Variants in TOPAZ1 observed in about 807,000 individuals in gnomAD.
TOPAZ1 encodes the protein protein TOPAZ1.
In TOPAZ1, 66 loss-of-function variants were observed where a neutral mutation model predicts 172.2. That is an observed-to-expected ratio of 0.38 (90% CI 0.31 to 0.47). TOPAZ1 has a LOEUF of 0.47. TOPAZ1 is among the 20% of genes least tolerant of loss of function. The pLI, the probability that TOPAZ1 is intolerant of heterozygous loss-of-function variation, is 0.99. For missense variants in TOPAZ1, 1,822 were observed against 1,972.4 expected (o/e 0.92, Z 1.44); for synonymous variants, 681 against 683.9 (o/e 1.00, Z 0.07).
At chr3:44,272,502 T>A (rs948920963) in intron 8 of TOPAZ1, among the ~76,000 whole-genome samples, 2 of 152,204 alleles carry the variant, frequency 1.3e-5, no homozygotes, top group African/African-American at 4.8e-5. Context: ...TTCATGATGT[T>A]GAGCCTTTTT....
At chr3:44,298,254 A>G (rs899595601) in intron 12 of TOPAZ1, among the ~76,000 whole-genome samples, 1 of 152,208 alleles carries the variant, frequency 6.6e-6, no homozygotes, top group East Asian at 1.9e-4. Context: ...ACTTAAGCCC[A>G]GGAGTTCGAG....
intron 12 of TOPAZ1, among the ~76,000 whole-genome samples, chr3:44,302,418 A>G (rs1700282600): frequency 1.3e-5 from 2 of 152,182 alleles, no homozygotes; most frequent in South Asian, 4.1e-4. Flanking sequence ...TCAGAAAATA[A>G]TAATGGTAAA....
chr3:44,244,705 A>C lies in TOPAZ1; in HGVS notation c.2199A>C (p.Glu733Asp). The C allele has an allele frequency of 6.4e-7, 1 of 1,551,494 alleles. No homozygotes were observed. The highest frequency in any genetic ancestry group is 8.7e-7 in the Non-Finnish European group (1 of 1,146,960). ...ACGTAAGACAGAACAGGAGTAAAGA[A>C]AATGTCTCCATGATGATGTTAGGAC... Reference protein sequence around the residue: ...GADVRQNRSKENVSMMMLGPQ... With the variant: ...GADVRQNRSKDNVSMMMLGPQ... The change falls in exon 2 of 20, where the codon GAA becomes GAC. Residue 733 changes from glutamate (E) to aspartate (D), a missense_variant. Glu to Asp is a conservative substitution (Grantham distance 45). Around this residue, in one of 2 missense-constraint regions of TOPAZ1, gnomAD observed 1,489 missense variants for 1,490.8 expected, o/e 1.00. Coordinates refer to ENST00000309765, the MANE Select transcript of TOPAZ1 (RefSeq NM_001145030.2).
intron 12 of TOPAZ1, among the ~76,000 whole-genome samples, chr3:44,302,617 A>T (rs1160351397): frequency 2.0e-5 from 3 of 152,028 alleles, no homozygotes; most frequent in Non-Finnish European, 4.4e-5. Flanking sequence ...TTTGGTAGGG[A>T]TAATTCTTTT....
chr3:44,267,842 A>G (rs1359876520), intron 6 of TOPAZ1, among the ~76,000 whole-genome samples: 3 of 152,152 alleles, frequency 2.0e-5, no homozygotes, highest in African/African-American at 7.2e-5. Context: ...CTACCCTACT[A>G]TACCTACTGA....
At chr3:44,276,624 CTTTTTTTTTTTTTTT>C (rs762865769) in intron 8 of TOPAZ1, among the ~76,000 whole-genome samples, 4 of 24,124 alleles carry the variant, frequency 1.7e-4, no homozygotes, top group African/African-American at 3.8e-4. Flanking sequence ...CAGCTTTGTT[CTTTTTTTTTTTTTTT>C]TTTTTTTTTT....
intron 11 of TOPAZ1, among the ~76,000 whole-genome samples, chr3:44,290,414 C>T (rs1387236672): frequency 6.6e-6 from 1 of 152,046 alleles, no homozygotes; most frequent in Non-Finnish European, 1.5e-5. Flanking sequence ...GGCCATGGCC[C>T]TATGTGAGGC....
intron 8 of TOPAZ1, among the ~76,000 whole-genome samples, chr3:44,273,225 A>G (rs1699917098): frequency 6.6e-6 from 1 of 152,174 alleles, no homozygotes; most frequent in South Asian, 2.1e-4. Context: ...AATAAACTCT[A>G]TTAAATTTAT....
In TOPAZ1 at chr3:44,287,418, T is replaced by C; in HGVS notation, c.3466T>C (p.Phe1156Leu). 1.3e-6 allele frequency: 2 copies of C among 1,507,940 alleles called. No individual in the cohort carries two copies. The highest frequency in any genetic ancestry group is 1.7e-4 in the Middle Eastern group (1 of 5,798). The allele number at this position is 1,507,940 out of a possible 1,614,324, so 93.4% of individuals were successfully genotyped here. A position where few individuals can be genotyped will look rare whatever the true frequency, so the allele number is the denominator to read the frequency against. Residue 1156 changes from phenylalanine to leucine, a missense_variant, in exon 10 of 20, where the codon TTT becomes CTT. By Grantham distance (22) the Phe-to-Leu change is conservative (BLOSUM62 0). Coordinates refer to ENST00000309765, the MANE Select transcript of TOPAZ1 (RefSeq NM_001145030.2). ...CATATTTATGGAGTACTACAGAAAG[T>C]TTCCCCCAGGTGTATACTTTGATTT... is the stretch of plus-strand genomic sequence containing the variant. ...VNIFMEYYRKFPPGVYFDLQV... is the reference protein window; with the variant it reads ...VNIFMEYYRKLPPGVYFDLQV...
intron 8 of TOPAZ1, among the ~76,000 whole-genome samples, chr3:44,278,646 C>A (rs1231729337): frequency 6.6e-6 from 1 of 152,050 alleles, no homozygotes; most frequent in East Asian, 1.9e-4. Flanking sequence ...TGTTCATAAT[C>A]GTCTCTGATG....
Position 44,244,285 on chromosome 3 carries a change from TAAA to T in TOPAZ1, c.1782_1784del (p.Lys595del). 6.4e-7 allele frequency: 1 copy of T among 1,550,414 alleles called. No homozygotes were observed. The highest frequency in any genetic ancestry group is 2.0e-5 in the Admixed American group (1 of 50,810). On this transcript the variant is annotated inframe_deletion, in exon 2 of 20. Coordinates refer to ENST00000309765, the MANE Select transcript of TOPAZ1 (RefSeq NM_001145030.2). ...TAAAGGAACCTATAATCAAGGATGA[TAAA>T]AAGATAAAATCAGAGGAACTGAGCA...
intron 12 of TOPAZ1, among the ~76,000 whole-genome samples, chr3:44,300,425 A>T (rs1317095307): frequency 8.7e-6 from 1 of 114,298 alleles, no homozygotes; most frequent in Admixed American, 9.7e-5. Flanking sequence ...GAGACGTCTT[A>T]AAAAAAAAGA....
chr3:44,245,336 T>C, intron 2 of TOPAZ1, 65 bp downstream of exon 2: 1 of 1,428,706 alleles, frequency 7.0e-7, no homozygotes, highest in Non-Finnish European at 9.2e-7. Flanking sequence ...GTCTCTTAAG[T>C]TTCACTAATG....
chr3:44,304,754 T>C (rs1055865806), intron 13 of TOPAZ1, among the ~76,000 whole-genome samples: 1 of 152,222 alleles, frequency 6.6e-6, no homozygotes, highest in Non-Finnish European at 1.5e-5. Flanking sequence ...CAGATAACAT[T>C]AAAATGTACT....
At chr3:44,324,016 C>T (rs1483047890) in intron 18 of TOPAZ1, among the ~76,000 whole-genome samples, 7 of 152,152 alleles carry the variant, frequency 4.6e-5, no homozygotes, top group African/African-American at 1.4e-4. Flanking sequence ...TGTGTCACCC[C>T]GTACCAAATG....
chr3:44,319,809 T>C (rs1231621434), intron 16 of TOPAZ1, among the ~76,000 whole-genome samples: 1 of 152,238 alleles, frequency 6.6e-6, no homozygotes, highest in East Asian at 1.9e-4. Context: ...TACTGGATAC[T>C]AAAAGCTTTC....
In TOPAZ1 at chr3:44,244,355, C is replaced by A. The variant is rs1699532148; in HGVS notation, c.1849C>A (p.Gln617Lys). The A allele has an allele frequency of 6.5e-7, 1 of 1,550,326 alleles. No homozygotes were observed. Among genetic ancestry groups the A allele is most frequent in the South Asian group, 1.2e-5 (1 of 83,810 alleles). Residue 617 changes from glutamine (Q) to lysine (K), a missense_variant, in exon 2 of 20, where the codon CAA becomes AAA. Transcript: ENST00000309765. ...AATTTCTAACACTACTGAAGATACT[C>A]AATTAACCAGTGAGACTCAAAGCTT... ...EVISNTTEDT[Q>K]LTSETQSLTG...
chr3:44,315,269 T>G (rs1345889146), intron 16 of TOPAZ1, among the ~76,000 whole-genome samples: 1 of 152,150 alleles, frequency 6.6e-6, no homozygotes, highest in Non-Finnish European at 1.5e-5. Flanking sequence ...CTCACACATG[T>G]GGACCAGCGC....
In TOPAZ1 at chr3:44,243,032, A is replaced by G. The variant is rs1699505945; in HGVS notation, c.526A>G (p.Lys176Glu). The G allele has an allele frequency of 2.6e-6, 4 of 1,541,298 alleles. No individual in the cohort carries two copies. Among genetic ancestry groups the G allele is most frequent in the Non-Finnish European group, 3.5e-6 (4 of 1,144,488 alleles). The stretch of plus-strand genomic sequence containing the variant: ...AAGAAGAATTCGAAATAAAAAACTT[A>G]AAAGCTTAGAAAACCCACCTCTCAA... ...IKRRIRNKKL[K>E]SLENPPLKIT... is the part of the protein sequence containing the mutation. The change falls in exon 2 of 20, where the codon AAA (lysine) becomes GAA (glutamate). Residue 176 changes from lysine to glutamate, a missense_variant. Physicochemically the swap from Lys to Glu is moderately conservative, Grantham distance 56. Transcript: ENST00000309765.
Sources: allele counts gnomAD v4.1 joint callset (sites outside exome capture counted in the v4.1 genomes callset), GRCh38; gene constraint gnomAD v4.1.1; regional missense constraint gnomAD v4.1.1; transcripts MANE v1.5; gene names NCBI Gene and HGNC (gene_info 2026-07-23, HGNC 2026-07-21).